NRXN1: variants seen among roughly 807,000 people sequenced by gnomAD.
NRXN1 encodes neurexin 1.
A neutral mutation model predicts 150.9 loss-of-function variants in NRXN1; 39 were observed. The observed-to-expected ratio is 0.26, with a 90% CI of 0.20 to 0.34. The LOEUF is 0.34. Among genes scored for constraint, NRXN1 ranks in the 10% least tolerant of loss-of-function variants. NRXN1 has a pLI of 1.00. For synonymous variants in NRXN1, 924 were observed against 757.0 expected, an observed-to-expected ratio of 1.22 and a Z score of -3.62; for missense variants, 1,815 against 1,949.9, an observed-to-expected ratio of 0.93 and a Z score of 1.30.
In NRXN1 at chr2:50,062,488, C is replaced by G. The variant is rs542596525; in HGVS notation, c.3719-7444G>C. On this transcript the variant is annotated intron_variant, in intron 19 of 22. Transcript: ENST00000401669. ...CACTCAGTTAATAATATTTTATTAT[C>G]ATTGCCCAAATGGACAAAAATACCA... Among the ~76,000 whole-genome samples, 28 of 152,238 alleles carry G rather than the reference C, an allele frequency of 1.8e-4. 1 individual carries two copies. The highest frequency in any genetic ancestry group is 6.3e-4 in the African/African-American group (26 of 41,554).
chr2:50,269,860 T>A (rs1346841924), intron 17 of NRXN1, among the ~76,000 whole-genome samples: 1 of 152,210 alleles, frequency 6.6e-6, no homozygotes, highest in East Asian at 1.9e-4. Flanking sequence ...AAAAGACTCG[T>A]TCCTTAAATT....
chr2:49,986,948 C>T (rs1681012135), intron 21 of NRXN1, among the ~76,000 whole-genome samples: 1 of 151,976 alleles, frequency 6.6e-6, no homozygotes, highest in African/African-American at 2.4e-5. Flanking sequence ...ACCTGCAGTT[C>T]CAGTTACTTG....
At chr2:50,506,076 A>G (rs2092206301) in intron 13 of NRXN1, among the ~76,000 whole-genome samples, 1 of 152,168 alleles carries the variant, frequency 6.6e-6, no homozygotes, top group African/African-American at 2.4e-5. Context: ...TCTGAAAGCC[A>G]GATAGATAAA....
chr2:50,544,303 A>C (rs2093448258), intron 9 of NRXN1, among the ~76,000 whole-genome samples: 1 of 152,092 alleles, frequency 6.6e-6, no homozygotes. Context: ...TTATCATAAA[A>C]TAATTTTAAA....
At position 50,482,063 on chromosome 2, in the gene NRXN1, C is replaced by T. The variant is rs528321560; in HGVS notation, c.3071-9592G>A. On this transcript the variant is annotated intron_variant, in intron 15 of 22. Transcript: ENST00000401669. ...GATTACAGGCGTGAGCCACCGCGCC[C>T]GGCCGAACTTTTGTTTCTTATTTAA... 3.3e-4 allele frequency among the ~76,000 whole-genome samples: 45 copies of T among 137,594 alleles called. 5 individuals are homozygous for T. The highest frequency in any genetic ancestry group is 1.0e-3 in the African/African-American group (29 of 27,958). The allele number at this position is 137,594 out of a possible 152,430, so 90.3% of individuals were successfully genotyped here.
At chr2:50,005,807 G>A (rs747508754) in intron 21 of NRXN1, among the ~76,000 whole-genome samples, 2 of 152,086 alleles carry the variant, frequency 1.3e-5, no homozygotes, top group African/African-American at 2.4e-5. Flanking sequence ...CACAATCTTT[G>A]CTCATGCTGA....
intron 3 of NRXN1, among the ~76,000 whole-genome samples, chr2:50,923,227 G>A (rs905135169): frequency 3.3e-5 from 5 of 151,782 alleles, no homozygotes; most frequent in South Asian, 2.1e-4. Flanking sequence ...CACATGTAGC[G>A]GCTGACTAGG....
At chr2:50,757,353 G>A (rs1701260624) in intron 5 of NRXN1, among the ~76,000 whole-genome samples, 1 of 151,762 alleles carries the variant, frequency 6.6e-6, no homozygotes, top group South Asian at 2.1e-4. Flanking sequence ...GGAGGAAGAA[G>A]AGAGCAAATT....
chr2:49,938,299 T>G (rs528270746), intron 22 of NRXN1, among the ~76,000 whole-genome samples: 1 of 152,298 alleles, frequency 6.6e-6, no homozygotes, highest in Non-Finnish European at 1.5e-5. Flanking sequence ...AATAATGAGA[T>G]AGAATAATGT....
intron 12 of NRXN1, among the ~76,000 whole-genome samples, chr2:50,523,864 T>G (rs1188528601): frequency 1.3e-5 from 2 of 152,216 alleles, no homozygotes; most frequent in Non-Finnish European, 2.9e-5. Flanking sequence ...TTGTTCACAC[T>G]AATGTTATAT....
chr2:51,002,018 T>A (rs2105098429), intron 2 of NRXN1, among the ~76,000 whole-genome samples: 1 of 152,088 alleles, frequency 6.6e-6, no homozygotes, highest in South Asian at 2.1e-4. Flanking sequence ...CCCTAATTTA[T>A]TACAATTAAA....
chr2:50,288,775 G>A (rs978001492), intron 17 of NRXN1, among the ~76,000 whole-genome samples: 2 of 152,166 alleles, frequency 1.3e-5, no homozygotes, highest in African/African-American at 2.4e-5. Context: ...CTCAGGACAC[G>A]TGGGAATTAT....
At chr2:50,015,433 G>A (rs1357233052) in intron 21 of NRXN1, among the ~76,000 whole-genome samples, 1 of 149,070 alleles carries the variant, frequency 6.7e-6, no homozygotes, top group Non-Finnish European at 1.5e-5. Flanking sequence ...CTGGAGTAGG[G>A]AGGAAGAAAT....
chr2:50,344,044 T>C (rs2077744064), intron 17 of NRXN1, among the ~76,000 whole-genome samples: 1 of 152,190 alleles, frequency 6.6e-6, no homozygotes, highest in Admixed American at 6.5e-5. Flanking sequence ...CCCTCATCTA[T>C]TAGGCTCAAG....
intron 21 of NRXN1, among the ~76,000 whole-genome samples, chr2:49,961,580 T>C (rs531535856): frequency 3.3e-5 from 5 of 152,276 alleles, no homozygotes; most frequent in Admixed American, 6.5e-5. Context: ...AGAATCTGCA[T>C]TGAATTCTCA....
At chr2:50,920,328 CACTT>C (rs1378473170) in intron 5 of NRXN1, among the ~76,000 whole-genome samples, 1 of 151,686 alleles carries the variant, frequency 6.6e-6, no homozygotes, top group Non-Finnish European at 1.5e-5. Context: ...AGTTAAGTGA[CACTT>C]GACATTAAGT....
intron 18 of NRXN1, among the ~76,000 whole-genome samples, chr2:50,120,259 T>G (rs561459037): frequency 4.6e-4 from 67 of 146,324 alleles, no homozygotes; most frequent in Non-Finnish European, 9.1e-4. Flanking sequence ...ATATACACCT[T>G]TATAAAATAT....
At chr2:50,084,662 A>G (rs1698532547) in intron 19 of NRXN1, among the ~76,000 whole-genome samples, 1 of 152,306 alleles carries the variant, frequency 6.6e-6, no homozygotes, top group South Asian at 2.1e-4. Context: ...CCCACAGTGC[A>G]GTGGCAGGCT....
At chr2:50,955,048 G>T (rs994893948) in intron 2 of NRXN1, among the ~76,000 whole-genome samples, 2 of 152,100 alleles carry the variant, frequency 1.3e-5, no homozygotes, top group Admixed American at 6.6e-5. Flanking sequence ...GGTGCAGGGT[G>T]TATTTCCTTC....
Sources: allele counts gnomAD v4.1 joint callset (sites outside exome capture counted in the v4.1 genomes callset), GRCh38; gene constraint gnomAD v4.1.1; transcripts MANE v1.5; gene names NCBI Gene and HGNC (gene_info 2026-07-23, HGNC 2026-07-21).